Variants in EXOC4 observed in about 807,000 individuals in gnomAD.
The protein encoded by EXOC4 is SEC8-like 1.
Under a neutral mutation model 107.2 loss-of-function variants are expected in EXOC4, and 71 were observed. That is an observed-to-expected ratio of 0.66 (90% CI 0.55 to 0.81). EXOC4 has a LOEUF of 0.81. Ranked by LOEUF, EXOC4 falls within the 30% of genes least tolerant of loss-of-function variation. The pLI is 0.00. For missense variants in EXOC4, 1,108 were observed against 1,189.6 expected (o/e 0.93, Z 1.01); for synonymous variants, 456 against 441.2 (o/e 1.03, Z -0.42).
At chr7:133,863,777 T>G (rs1798582154) in intron 11 of EXOC4, among the ~76,000 whole-genome samples, 1 of 152,222 alleles carries the variant, frequency 6.6e-6, no homozygotes. Flanking sequence ...ATGGCTTTCT[T>G]GCTTAGAAAA....
At chr7:133,960,714 C>T (rs1444762773) in intron 14 of EXOC4, among the ~76,000 whole-genome samples, 1 of 152,026 alleles carries the variant, frequency 6.6e-6, no homozygotes, top group Admixed American at 6.6e-5. Flanking sequence ...TTATTGGATT[C>T]GGTTAGCTAG....
intron 9 of EXOC4, among the ~76,000 whole-genome samples, chr7:133,567,569 A>G (rs941683963): frequency 1.3e-5 from 2 of 152,134 alleles, no homozygotes; most frequent in African/African-American, 4.8e-5. Flanking sequence ...GTTATATTCC[A>G]GGGTTTGTGC....
intron 9 of EXOC4, among the ~76,000 whole-genome samples, chr7:133,609,191 G>T (rs891820968): frequency 5.3e-5 from 8 of 152,112 alleles, no homozygotes; most frequent in Non-Finnish European, 1.2e-4. Flanking sequence ...TCCATTTAGG[G>T]TTTACTGATT....
In EXOC4 at chr7:133,858,003, C is replaced by T. The variant is rs533296087; in HGVS notation, c.1735-37596C>T. Among the ~76,000 whole-genome samples the T allele has an allele frequency of 7.9e-5, 12 of 152,116 alleles. No individual in the cohort carries two copies. The East Asian group carries it at 2.1e-3, about 27-fold the overall frequency. On this transcript the variant is annotated intron_variant, in intron 11 of 17. Transcript: ENST00000253861. ...CCAACACCAGCGGAGGGCAGGAGGG[C>T]TATAGTGCTACAGCTCTGGCTTGGG...
chr7:133,933,411 T>C (rs1800225946), intron 13 of EXOC4, among the ~76,000 whole-genome samples: 1 of 152,128 alleles, frequency 6.6e-6, no homozygotes, highest in Non-Finnish European at 1.5e-5. Flanking sequence ...AAAACATTCA[T>C]GTTTTGAGTT....
chr7:133,783,730 G>T (rs971506930), intron 10 of EXOC4, among the ~76,000 whole-genome samples: 1 of 152,200 alleles, frequency 6.6e-6, no homozygotes, highest in Non-Finnish European at 1.5e-5. Flanking sequence ...CACAAAGATA[G>T]ATCAGTTCTT....
At chr7:134,074,188 C>T in the EXOC4 span, among the ~76,000 whole-genome samples, 5 of 152,224 alleles carry the variant, frequency 3.3e-5, no homozygotes, top group Non-Finnish European at 5.9e-5. Flanking sequence ...TCCTCCTGAC[C>T]CCAGAGTCTC....
At chr7:133,916,170 T>C (rs2116629013) in intron 12 of EXOC4, among the ~76,000 whole-genome samples, 1 of 152,368 alleles carries the variant, frequency 6.6e-6, no homozygotes, top group South Asian at 2.1e-4. Flanking sequence ...GTAAGGAGCA[T>C]GTGATCTAGA....
chr7:133,412,549 T>C (rs555058527), intron 7 of EXOC4, among the ~76,000 whole-genome samples: 1 of 151,936 alleles, frequency 6.6e-6, no homozygotes, highest in African/African-American at 2.4e-5. Flanking sequence ...CCATGAAAAA[T>C]CAAATATTCT....
intron 9 of EXOC4, among the ~76,000 whole-genome samples, chr7:133,607,023 A>G (rs1009738850): frequency 8.5e-5 from 13 of 152,162 alleles, no homozygotes; most frequent in Admixed American, 2.6e-4. Flanking sequence ...AGATCCTACA[A>G]TGCGTATTTG....
At chr7:133,415,567 A>G (rs570967481) in intron 7 of EXOC4, among the ~76,000 whole-genome samples, 1 of 152,228 alleles carries the variant, frequency 6.6e-6, no homozygotes, top group South Asian at 2.1e-4. Flanking sequence ...AGATTTGTAA[A>G]GCATGTAAAA....
intron 12 of EXOC4, among the ~76,000 whole-genome samples, chr7:133,916,722 A>G (rs542185014): frequency 4.6e-5 from 7 of 152,268 alleles, no homozygotes; most frequent in South Asian, 2.1e-4. Context: ...TGATGGGGCA[A>G]TCTCCTGGAG....
intron 9 of EXOC4, chr7:133,483,958 T>C (rs1162516287): frequency 8.9e-6 from 13 of 1,468,158 alleles, no homozygotes; most frequent in Non-Finnish European, 1.1e-5. Context: ...AAGATTTTTG[T>C]TTCTTCTGTT....
At chr7:133,294,629 C>G (rs1457560243) in intron 3 of EXOC4, among the ~76,000 whole-genome samples, 1 of 152,030 alleles carries the variant, frequency 6.6e-6, no homozygotes, top group African/African-American at 2.4e-5. Flanking sequence ...ATATATCTGC[C>G]TTCTTCCCAG....
At chr7:133,879,340 C>T (rs573954723) in intron 11 of EXOC4, among the ~76,000 whole-genome samples, 114 of 152,184 alleles carry the variant, frequency 7.5e-4, no homozygotes, top group African/African-American at 2.6e-3. Flanking sequence ...AGCAACTCTC[C>T]GTGTCGGCCT....
At chr7:133,631,818 T>G (rs1322868505) in intron 10 of EXOC4, among the ~76,000 whole-genome samples, 1 of 152,126 alleles carries the variant, frequency 6.6e-6, no homozygotes, top group Non-Finnish European at 1.5e-5. Context: ...CAATTACAAT[T>G]GATTTCTACT....
intron 9 of EXOC4, among the ~76,000 whole-genome samples, chr7:133,627,985 A>T (rs966434390): frequency 7.2e-5 from 11 of 152,194 alleles, no homozygotes; most frequent in Admixed American, 6.5e-4. Flanking sequence ...GATTTCCAAG[A>T]TGCCCAGAGA....
chr7:133,511,031 TG>T lies in EXOC4; in HGVS notation c.1417+30895del, dbSNP rs1799759474. Among the ~76,000 whole-genome samples the T allele has an allele frequency of 3.9e-5, 6 of 152,302 alleles. No individual in the cohort carries two copies. The South Asian group carries it at 1.2e-3, about 32-fold the overall frequency. On this transcript the variant is annotated intron_variant, in intron 9 of 17. Transcript: ENST00000253861. ...CATTTTTTTTTTCTCTTTTCTTTAC[TG>T]GTAGGTAAAATACCTAAAGTTTGGA...
intron 4 of EXOC4, among the ~76,000 whole-genome samples, chr7:133,316,257 A>G (rs1794988492): frequency 6.6e-6 from 1 of 152,252 alleles, no homozygotes; most frequent in East Asian, 1.9e-4. Flanking sequence ...GTTGTTCCCA[A>G]TTGCACACAT....
Sources: gnomAD v4.1 joint callset for allele counts (sites outside exome capture counted in the v4.1 genomes callset) on GRCh38, gnomAD v4.1.1 for gene constraint, MANE v1.5 for transcripts, NCBI Gene and HGNC (gene_info 2026-07-23, HGNC 2026-07-21) for gene names.